The following RCAN1 variants were observed in gnomAD, a reference collection of about 807,000 sequenced individuals.
The protein encoded by RCAN1 is regulator of calcineurin 1, also known as calcipressin-1.
RCAN1 carries 11 observed loss-of-function variants against 22.9 expected under a neutral mutation model. The ratio of observed to expected loss-of-function variants is 0.48; its 90% CI spans 0.30 to 0.79. The LOEUF is 0.79. Ranked by LOEUF, RCAN1 falls within the 30% of genes least tolerant of loss-of-function variation. RCAN1 has a pLI of 0.06. For synonymous variants in RCAN1, 136 were observed against 142.3 expected (o/e 0.96, Z 0.32); for missense variants, 291 against 337.8 (o/e 0.86, Z 1.09).
intron 1 of RCAN1, among the ~76,000 whole-genome samples, chr21:34,553,455 C>T (rs549093832): frequency 5.4e-4 from 83 of 152,298 alleles, no homozygotes; most frequent in African/African-American, 1.3e-3. Flanking sequence ...ACACAGCTCA[C>T]GCTGGCCACT....
rs529996318 is a variant in RCAN1 at position 34,542,652 on chromosome 21, G to C, written c.253-18942C>G. ...AAACAGATGACTATTGTTATTTACA[G>C]CCATTACGTTTTGGGTGGCTTGTTG... On this transcript the variant is annotated intron_variant, in intron 1 of 3. Coordinates refer to ENST00000313806, the MANE Select transcript of RCAN1 (RefSeq NM_004414.7). 5.3e-5 allele frequency among the ~76,000 whole-genome samples: 8 copies of C among 152,340 alleles called. No individual in the cohort carries two copies. In the South Asian group the frequency reaches 1.7e-3, roughly 32 times the overall value.
Position 34,518,236 on chromosome 21 carries a change from C to A in RCAN1, c.607G>T (p.Ala203Ser), listed in dbSNP as rs771689837. Residue 203 changes from alanine (A) to serine (S), a missense_variant, in exon 4 of 4, where the codon GCA (alanine) becomes TCA (serine). Transcript: ENST00000313806. The surrounding 1 kb of genome is among the most constrained non-coding windows in gnomAD (Gnocchi z 4.2). ...ACGCTGGGAGTGGTGTCAGTCGCTGCGTGCAATTCATACTTTTCCCCTAAG... is the reference window on the plus strand; with the variant it reads ...ACGCTGGGAGTGGTGTCAGTCGCTGAGTGCAATTCATACTTTTCCCCTAAG... ...LGPGEKYELHAATDTTPSVVV... is the reference protein window; with the variant it reads ...LGPGEKYELHSATDTTPSVVV... 1.2e-6 allele frequency: 2 copies of A among 1,614,144 alleles called. No homozygotes were observed. The highest frequency in any genetic ancestry group is 2.2e-5 in the South Asian group (2 of 91,078).
chr21:34,614,759 C>A lies in RCAN1; in HGVS notation c.252+1G>T. 1 of 1,439,772 alleles carries A rather than the reference C, an allele frequency of 6.9e-7. No individual in the cohort carries two copies. The allele number at this position is 1,439,772 out of a possible 1,614,324, so 89.2% of individuals were successfully genotyped here. ...GACGGCCCGCCCGGCGCGGTCCTCACCCGGCACAGGCCGTCCACGAACACG... is the reference window on the plus strand; with the variant it reads ...GACGGCCCGCCCGGCGCGGTCCTCAACCGGCACAGGCCGTCCACGAACACG... On this transcript the variant is annotated splice_donor_variant, in intron 1 of 3. Transcript: ENST00000313806. LOFTEE classifies it high-confidence loss of function. This position sits in a 1 kb window ranked among gnomAD's most constrained non-coding sequence, Gnocchi z 6.0.
chr21:34,534,816 G>A (rs57718652), intron 1 of RCAN1, among the ~76,000 whole-genome samples: 13,763 of 152,258 alleles, frequency 0.09, 994 homozygotes, highest in African/African-American at 0.19. Flanking sequence ...TCACATTCCC[G>A]GATGTGCTTC....
At chr21:34,582,343 T>C (rs573754625) in intron 1 of RCAN1, among the ~76,000 whole-genome samples, 1 of 152,122 alleles carries the variant, frequency 6.6e-6, no homozygotes, top group East Asian at 1.9e-4. Flanking sequence ...TGACCAGTGC[T>C]ATGAAGACAC....
At chr21:34,554,949 C>T (rs576881053) in intron 1 of RCAN1, among the ~76,000 whole-genome samples, 1 of 152,198 alleles carries the variant, frequency 6.6e-6, no homozygotes, top group Admixed American at 6.5e-5. Context: ...TGGGAAAGAC[C>T]TGCCCCCATG....
chr21:34,531,792 T>A (rs772853470), intron 1 of RCAN1, among the ~76,000 whole-genome samples: 7 of 152,162 alleles, frequency 4.6e-5, no homozygotes, highest in Admixed American at 6.5e-5. Context: ...TCCCCAAGTC[T>A]CTGCTCGTGC....
chr21:34,531,025 T>C (rs1308761527), intron 1 of RCAN1, among the ~76,000 whole-genome samples: 1 of 152,234 alleles, frequency 6.6e-6, no homozygotes, highest in African/African-American at 2.4e-5. Flanking sequence ...CTCTTCCTCA[T>C]CTTTACCACT....
chr21:34,538,616 G>A (rs540451145), intron 1 of RCAN1, among the ~76,000 whole-genome samples: 31 of 152,300 alleles, frequency 2.0e-4, no homozygotes, highest in African/African-American at 7.5e-4. Flanking sequence ...CAGAGGGAGA[G>A]TGAAGCTACC....
chr21:34,550,316 T>C (rs1009501069), intron 1 of RCAN1, among the ~76,000 whole-genome samples: 1 of 152,212 alleles, frequency 6.6e-6, no homozygotes, highest in Non-Finnish European at 1.5e-5. Flanking sequence ...TCTGTGAACT[T>C]TGTTTTGGCT....
intron 1 of RCAN1, among the ~76,000 whole-genome samples, chr21:34,591,465 G>A (rs983036093): frequency 6.6e-6 from 1 of 152,134 alleles, no homozygotes; most frequent in Non-Finnish European, 1.5e-5. Flanking sequence ...ATGGGCCCTG[G>A]GGGGGAACAC....
chr21:34,569,184 G>A (rs911148175), intron 1 of RCAN1, among the ~76,000 whole-genome samples: 20 of 152,218 alleles, frequency 1.3e-4, no homozygotes, highest in African/African-American at 3.6e-4. Context: ...AAATTTTAGA[G>A]TAGCCTCTGA....
At chr21:34,546,373 G>GT (rs71194897) in intron 1 of RCAN1, among the ~76,000 whole-genome samples, 2,730 of 137,620 alleles carry the variant, frequency 0.02, 29 homozygotes, top group African/African-American at 0.023. Flanking sequence ...TTACTTATTA[G>GT]TTTTTTTTTT....
At chr21:34,531,330 G>A (rs757374934) in intron 1 of RCAN1, among the ~76,000 whole-genome samples, 38 of 152,118 alleles carry the variant, frequency 2.5e-4, no homozygotes, top group African/African-American at 3.6e-4. Flanking sequence ...AACTATGCCC[G>A]CCTTGGGCCA....
At chr21:34,562,955 C>T (rs906103287) in intron 1 of RCAN1, among the ~76,000 whole-genome samples, 1 of 152,202 alleles carries the variant, frequency 6.6e-6, no homozygotes, top group Non-Finnish European at 1.5e-5. Flanking sequence ...ATTAAGTTGC[C>T]TATTTTGTTC....
chr21:34,610,855 A>T (rs558987866), intron 1 of RCAN1, among the ~76,000 whole-genome samples: 2 of 152,372 alleles, frequency 1.3e-5, no homozygotes, highest in East Asian at 3.9e-4. Flanking sequence ...TGTTATTAAA[A>T]GAAAGTCATG....
intron 1 of RCAN1, among the ~76,000 whole-genome samples, chr21:34,580,723 A>T (rs1159119355): frequency 6.6e-6 from 1 of 152,194 alleles, no homozygotes; most frequent in Non-Finnish European, 1.5e-5. Context: ...ATGGCTCACC[A>T]TGATCTCCGC....
In RCAN1 at chr21:34,614,699, G is replaced by T; in HGVS notation, c.252+61C>A. On this transcript the variant is annotated intron_variant, in intron 1 of 3. Coordinates refer to ENST00000313806, the MANE Select transcript of RCAN1 (RefSeq NM_004414.7). This position sits in a 1 kb window ranked among gnomAD's most constrained non-coding sequence, Gnocchi z 6.0. The stretch of plus-strand genomic sequence containing the variant: ...GGGACTGGGCGCTGCGACCCGCGCC[G>T]CCTCCTCGGGCAACAAGTGTCCGCC... 1.5e-6 allele frequency: 2 copies of T among 1,315,054 alleles called. No homozygotes were observed. The highest frequency in any genetic ancestry group is 9.7e-7 in the Non-Finnish European group (1 of 1,028,966). 81.5% of individuals were successfully genotyped at this position (1,315,054 alleles called of 1,614,324 possible).
intron 1 of RCAN1, among the ~76,000 whole-genome samples, chr21:34,595,898 G>T (rs758464101): frequency 6.6e-6 from 1 of 152,204 alleles, no homozygotes; most frequent in Non-Finnish European, 1.5e-5. Flanking sequence ...GAGTCTGGGG[G>T]TCCCCCACAC....
Sources: allele counts gnomAD v4.1 joint callset (sites outside exome capture counted in the v4.1 genomes callset), GRCh38; gene constraint gnomAD v4.1.1; non-coding constraint Gnocchi (gnomAD v3.1); transcripts MANE v1.5; gene names NCBI Gene and HGNC (gene_info 2026-07-23, HGNC 2026-07-21).